FUT9: variants seen among roughly 807,000 people sequenced by gnomAD.
The protein encoded by FUT9 is fucosyltransferase 9, also known as 4-galactosyl-N-acetylglucosaminide 3-alpha-L-fucosyltransferase 9.
Under a neutral mutation model 29.7 loss-of-function variants are expected in FUT9, and 15 were observed. The observed-to-expected ratio is 0.51, with a 90% CI of 0.34 to 0.78. FUT9 has a LOEUF of 0.78. FUT9 is among the 30% of genes least tolerant of loss of function. The pLI, the probability that FUT9 is intolerant of heterozygous loss-of-function variation, is 0.01. For synonymous variants in FUT9, 169 were observed against 153.7 expected (o/e 1.10, Z -0.74); for missense variants, 319 against 425.4 (o/e 0.75, Z 2.20).
intron 2 of FUT9, among the ~76,000 whole-genome samples, chr6:96,160,578 G>C (rs1351556859): frequency 6.6e-6 from 1 of 152,074 alleles, no homozygotes; most frequent in Non-Finnish European, 1.5e-5. Flanking sequence ...TATATATAAT[G>C]ATAAAAACTT....
intron 2 of FUT9, among the ~76,000 whole-genome samples, chr6:96,120,971 C>A (rs188397343): frequency 2.6e-4 from 39 of 152,094 alleles, no homozygotes; most frequent in Admixed American, 6.5e-4. Flanking sequence ...ATCTTCCATA[C>A]CATGGACAGT....
chr6:96,146,727 A>G (rs1187538479), intron 2 of FUT9, among the ~76,000 whole-genome samples: 3 of 152,196 alleles, frequency 2.0e-5, no homozygotes, highest in Admixed American at 2.0e-4. Context: ...CAGTATTACT[A>G]CTTGGTGAAA....
chr6:96,082,000 A>G (rs1046661469), intron 1 of FUT9, among the ~76,000 whole-genome samples: 12 of 151,958 alleles, frequency 7.9e-5, no homozygotes, highest in African/African-American at 2.6e-4. Context: ...TCATTTAAAC[A>G]TAATTTTATT....
chr6:96,102,996 G>A (rs1771613702), intron 1 of FUT9, among the ~76,000 whole-genome samples: 2 of 152,272 alleles, frequency 1.3e-5, no homozygotes, highest in East Asian at 3.9e-4. Flanking sequence ...AAAGCCAAGA[G>A]AGTGGTAGGC....
intron 1 of FUT9, among the ~76,000 whole-genome samples, chr6:96,079,478 A>G (rs1771199491): frequency 6.6e-6 from 1 of 152,114 alleles, no homozygotes; most frequent in Admixed American, 6.6e-5. Context: ...ATTCCCCTTG[A>G]GTATTTAAAG....
At chr6:96,082,431 CAAAT>C (rs1446581049) in intron 1 of FUT9, among the ~76,000 whole-genome samples, 12 of 151,718 alleles carry the variant, frequency 7.9e-5, no homozygotes, top group Middle Eastern at 3.4e-3. Context: ...AGCAGTATAA[CAAAT>C]AGAGAGATTC....
At chr6:96,063,981 T>C (rs4304170) in intron 1 of FUT9, among the ~76,000 whole-genome samples, 84,511 of 152,006 alleles carry the variant, frequency 0.56, 23,607 homozygotes, top group South Asian at 0.64. Context: ...AATGAACCAG[T>C]AGTCTCTTGG....
intron 2 of FUT9, among the ~76,000 whole-genome samples, chr6:96,161,825 A>G (rs2127980142): frequency 1.3e-5 from 2 of 152,338 alleles, no homozygotes; most frequent in Admixed American, 1.3e-4. Flanking sequence ...GCCTTTTACC[A>G]TGGGATGTGA....
intron 1 of FUT9, among the ~76,000 whole-genome samples, chr6:96,026,203 A>G (rs1582177861): frequency 6.6e-6 from 1 of 151,762 alleles, no homozygotes; most frequent in Non-Finnish European, 1.5e-5. Flanking sequence ...TAGTGACAAA[A>G]GACTTCAATA....
At chr6:96,023,082 A>G (rs1019593879) in intron 1 of FUT9, among the ~76,000 whole-genome samples, 3 of 151,930 alleles carry the variant, frequency 2.0e-5, no homozygotes, top group Admixed American at 1.3e-4. Flanking sequence ...CTTCATTCAA[A>G]AGATGCTGAT....
intron 2 of FUT9, among the ~76,000 whole-genome samples, chr6:96,127,706 C>T (rs1019423563): frequency 6.6e-6 from 1 of 152,014 alleles, no homozygotes; most frequent in African/African-American, 2.4e-5. Flanking sequence ...TATTTTTTGA[C>T]TTTTTAATAG....
chr6:96,027,874 T>C lies in FUT9; in HGVS notation c.-98+11662T>C, dbSNP rs905114567. 1.2e-4 allele frequency among the ~76,000 whole-genome samples: 18 copies of C among 151,650 alleles called. 2 individuals are homozygous for C. The highest frequency in any genetic ancestry group is 1.2e-3 in the Admixed American group (18 of 15,166). On this transcript the variant is annotated intron_variant, in intron 1 of 2. Coordinates refer to ENST00000302103, the MANE Select transcript of FUT9 (RefSeq NM_006581.4). Reference sequence around the variant, plus strand: ...AAATTCTTGGATTTTCATTAGCCAATGTTTTGCTGTTTTCTTCATAAAAAA... The same window carrying C: ...AAATTCTTGGATTTTCATTAGCCAACGTTTTGCTGTTTTCTTCATAAAAAA...
At chr6:96,027,000 T>C (rs1770180363) in intron 1 of FUT9, among the ~76,000 whole-genome samples, 1 of 151,660 alleles carries the variant, frequency 6.6e-6, no homozygotes, top group South Asian at 2.1e-4. Context: ...CTTTCAGATA[T>C]TCCAGACAAT....
intron 2 of FUT9, among the ~76,000 whole-genome samples, chr6:96,126,524 A>G (rs1396836222): frequency 6.6e-6 from 1 of 152,182 alleles, no homozygotes; most frequent in Admixed American, 6.5e-5. Context: ...CACTCACTCA[A>G]CAAAGCAGAA....
chr6:96,159,120 T>G (rs1772847263), intron 2 of FUT9, among the ~76,000 whole-genome samples: 1 of 152,180 alleles, frequency 6.6e-6, no homozygotes, highest in African/African-American at 2.4e-5. Context: ...TATTTACAAG[T>G]AAAATTTTAG....
chr6:96,118,743 C>A (rs914422183), intron 2 of FUT9, among the ~76,000 whole-genome samples: 2 of 152,088 alleles, frequency 1.3e-5, no homozygotes, highest in African/African-American at 4.8e-5. Context: ...GGTCCATGCA[C>A]GTTATTGCCC....
Position 96,212,521 on chromosome 6 carries a change from T to G in FUT9, c.*8286T>G, listed in dbSNP as rs1433463958. ...AAGACTATCATATTTGAGAACAAGA[T>G]TTTACTTAGAAGGGAAAAAAAAGAA... On this transcript the variant is annotated 3_prime_UTR_variant, in exon 3 of 3. Coordinates refer to ENST00000302103, the MANE Select transcript of FUT9 (RefSeq NM_006581.4). 1 of 406,826 alleles carries G rather than the reference T, an allele frequency of 2.5e-6. No homozygotes were observed. Among genetic ancestry groups the G allele is most frequent in the Non-Finnish European group, 4.5e-6 (1 of 222,102 alleles). 25.2% of individuals were successfully genotyped at this position (406,826 alleles called of 1,614,324 possible).
intron 1 of FUT9, among the ~76,000 whole-genome samples, chr6:96,054,483 A>T (rs577599804): frequency 6.6e-6 from 1 of 152,328 alleles, no homozygotes; most frequent in Non-Finnish European, 1.5e-5. Flanking sequence ...AAACCTTTTG[A>T]CTACAAAGAT....
intron 1 of FUT9, among the ~76,000 whole-genome samples, chr6:96,058,894 A>T (rs1770823647): frequency 6.6e-6 from 1 of 152,136 alleles, no homozygotes; most frequent in East Asian, 1.9e-4. Context: ...AAAATTGCCT[A>T]ACTACAAAAA....
Sources: gnomAD v4.1 joint callset for allele counts (sites outside exome capture counted in the v4.1 genomes callset) on GRCh38, gnomAD v4.1.1 for gene constraint, MANE v1.5 for transcripts, NCBI Gene and HGNC (gene_info 2026-07-23, HGNC 2026-07-21) for gene names.